The following MARCHF1 variants were observed in gnomAD, a reference collection of about 807,000 sequenced individuals.
MARCHF1 encodes membrane associated ring-CH-type finger 1.
Under a neutral mutation model 54.2 loss-of-function variants are expected in MARCHF1, and 40 were observed. The observed-to-expected ratio is 0.74, with a 90% CI of 0.57 to 0.96. MARCHF1 has a LOEUF of 0.96. Ranked by LOEUF, MARCHF1 falls within the 40% of genes least tolerant of loss-of-function variation. The pLI is 0.00. For missense variants in MARCHF1, 586 were observed against 656.5 expected (o/e 0.89, Z 1.17); for synonymous variants, 236 against 236.3 (o/e 1.00, Z 0.01).
At chr4:163,654,373 T>C (rs1743068412) in intron 5 of MARCHF1, among the ~76,000 whole-genome samples, 1 of 151,698 alleles carries the variant, frequency 6.6e-6, no homozygotes, top group African/African-American at 2.4e-5. Context: ...TTTAAAGTTC[T>C]GCCTTTGAAG....
At chr4:164,382,472 A>T (rs1334347874) in intron 1 of MARCHF1, among the ~76,000 whole-genome samples, 1 of 152,228 alleles carries the variant, frequency 6.6e-6, no homozygotes, top group Non-Finnish European at 1.5e-5. Context: ...ATGTTCAAGG[A>T]TTATTTACAT....
chr4:164,188,075 C>T (rs1158893172), intron 1 of MARCHF1, among the ~76,000 whole-genome samples: 1 of 152,086 alleles, frequency 6.6e-6, no homozygotes, highest in Non-Finnish European at 1.5e-5. Flanking sequence ...GCCAAGTCAG[C>T]GAGCAGGGCA....
At chr4:163,546,645 C>G (rs1738917875) in intron 8 of MARCHF1, among the ~76,000 whole-genome samples, 1 of 152,186 alleles carries the variant, frequency 6.6e-6, no homozygotes, top group South Asian at 2.1e-4. Context: ...TTGGGCGATA[C>G]TAGAAAATCT....
rs114799027 is a variant in MARCHF1 at position 163,939,158 on chromosome 4, A to G, written c.-39+49343T>C. On this transcript the variant is annotated intron_variant, in intron 3 of 9. Transcript: ENST00000514618. ...TCTGGCTAAAGATGACTTACAATAA[A>G]TAGAACTCTCAGTCTTTGAGGCACA... Among the ~76,000 whole-genome samples the G allele has an allele frequency of 9.5e-3, 1,445 of 152,272 alleles. 14 individuals are homozygous for G. The highest frequency in any genetic ancestry group is 0.032 in the African/African-American group (1,330 of 41,562).
Position 163,526,760 on chromosome 4 carries a change from A to G in MARCHF1, c.*1988T>C, listed in dbSNP as rs1469121600. 1.3e-5 allele frequency: 2 copies of G among 151,974 alleles called. No individual in the cohort carries two copies. The highest frequency in any genetic ancestry group is 2.9e-5 in the Non-Finnish European group (2 of 67,952). The allele number at this position is 151,974 out of a possible 1,614,324, so 9.4% of individuals were successfully genotyped here. On this transcript the variant is annotated 3_prime_UTR_variant, in exon 10 of 10. Transcript: ENST00000514618. ...GTGCTTATAACAAGTTTTAAGAAAGATGAGTTTTAAACCTTTTGTTTCCTG... is the reference window on the plus strand; with the variant it reads ...GTGCTTATAACAAGTTTTAAGAAAGGTGAGTTTTAAACCTTTTGTTTCCTG...
At chr4:163,897,866 C>T (rs963032897) in intron 3 of MARCHF1, among the ~76,000 whole-genome samples, 1 of 150,504 alleles carries the variant, frequency 6.6e-6, no homozygotes, top group African/African-American at 2.4e-5. Context: ...ACCATCCTGA[C>T]TAACATGATG....
intron 4 of MARCHF1, among the ~76,000 whole-genome samples, chr4:163,822,989 C>A (rs534701219): frequency 2.0e-4 from 31 of 151,800 alleles, no homozygotes; most frequent in South Asian, 4.1e-4. Context: ...CTTTTCCACA[C>A]GCTGTTAGAT....
chr4:163,978,355 T>G (rs1752689039), intron 3 of MARCHF1, among the ~76,000 whole-genome samples: 1 of 152,216 alleles, frequency 6.6e-6, no homozygotes, highest in African/African-American at 2.4e-5. Flanking sequence ...TAAAATATGT[T>G]GAGGAAAAAT....
At chr4:163,647,772 A>G (rs1169457488) in intron 5 of MARCHF1, among the ~76,000 whole-genome samples, 1 of 151,888 alleles carries the variant, frequency 6.6e-6, no homozygotes, top group African/African-American at 2.4e-5. Context: ...TTCTGTGACA[A>G]AAGTTTATAG....
rs531967269 is a variant in MARCHF1, at chr4:164,334,859, G to A, written c.-323+49011C>T. ...GGTCAAAATATCAACATTAACAGGA[G>A]TTTGGGAGAAGTTTATTCCAACCTT... On this transcript the variant is annotated intron_variant, in intron 1 of 9. Transcript: ENST00000514618. 5.9e-5 allele frequency among the ~76,000 whole-genome samples: 9 copies of A among 152,296 alleles called. No individual in the cohort carries two copies. The South Asian group carries it at 1.9e-3, about 32-fold the overall frequency.
intron 4 of MARCHF1, among the ~76,000 whole-genome samples, chr4:163,742,557 C>T (rs775156263): frequency 1.3e-5 from 2 of 151,920 alleles, no homozygotes; most frequent in Non-Finnish European, 2.9e-5. Context: ...GCTTACTGCA[C>T]CCTCAGCTTC....
At chr4:164,034,110 G>GATAGATAGACAGATAT (rs1560872008) in intron 2 of MARCHF1, among the ~76,000 whole-genome samples, 30 of 141,860 alleles carry the variant, frequency 2.1e-4, no homozygotes, top group African/African-American at 7.9e-4. Flanking sequence ...TAGATAGATA[G>GATAGATAGACAGATAT]ATAGATAGAG....
intron 2 of MARCHF1, among the ~76,000 whole-genome samples, chr4:164,055,553 G>T (rs6536784): frequency 0.74 from 112,995 of 151,912 alleles, 42,440 homozygotes; most frequent in Non-Finnish European, 0.79. Context: ...ATGCTAAATA[G>T]TTATTATATG....
chr4:163,664,933 A>C (rs1200359715), intron 5 of MARCHF1, among the ~76,000 whole-genome samples: 4 of 152,104 alleles, frequency 2.6e-5, no homozygotes, highest in Non-Finnish European at 5.9e-5. Context: ...AATATAATAA[A>C]AATGAACATA....
intron 3 of MARCHF1, among the ~76,000 whole-genome samples, chr4:163,917,797 T>C (rs1751342859): frequency 6.6e-6 from 1 of 152,166 alleles, no homozygotes; most frequent in South Asian, 2.1e-4. Flanking sequence ...AGATTCTAGA[T>C]ATTAGACCTT....
chr4:164,170,574 T>A (rs1730498222), intron 1 of MARCHF1, among the ~76,000 whole-genome samples: 1 of 152,106 alleles, frequency 6.6e-6, no homozygotes, highest in Admixed American at 6.6e-5. Flanking sequence ...AACATTAGCT[T>A]ACTTATGGTT....
At chr4:164,048,786 G>A (rs1049128163) in intron 2 of MARCHF1, among the ~76,000 whole-genome samples, 3 of 152,048 alleles carry the variant, frequency 2.0e-5, no homozygotes, top group Admixed American at 6.6e-5. Context: ...AATTGGCAGA[G>A]TAAATTTTTT....
intron 1 of MARCHF1, chr4:164,383,289 A>C (rs1731429211): frequency 6.6e-6 from 1 of 152,326 alleles, no homozygotes; most frequent in Non-Finnish European, 1.5e-5. Context: ...GTTGCAGGGA[A>C]CCGAAATCGG....
intron 1 of MARCHF1, among the ~76,000 whole-genome samples, chr4:164,253,255 T>C (rs2111249658): frequency 6.6e-6 from 1 of 152,264 alleles, no homozygotes; most frequent in East Asian, 1.9e-4. Flanking sequence ...TTGAGAAATC[T>C]TGAAATAGTT....
Sources: gnomAD v4.1 joint callset for allele counts (sites outside exome capture counted in the v4.1 genomes callset) on GRCh38, gnomAD v4.1.1 for gene constraint, MANE v1.5 for transcripts, NCBI Gene and HGNC (gene_info 2026-07-23, HGNC 2026-07-21) for gene names.